DLGAP2: variants seen among roughly 807,000 people sequenced by gnomAD.
DLGAP2 encodes disks large-associated protein 2.
DLGAP2 carries 26 observed loss-of-function variants against 100.3 expected under a neutral mutation model. The ratio of observed to expected loss-of-function variants is 0.26; its 90% confidence interval spans 0.19 to 0.36. DLGAP2 has a LOEUF of 0.36. Ranked by LOEUF, DLGAP2 falls within the 10% of genes least tolerant of loss-of-function variation. The pLI, the probability that DLGAP2 is intolerant of heterozygous loss-of-function variation, is 1.00. For synonymous variants in DLGAP2, 886 were observed against 630.1 expected (o/e 1.41, Z -6.08); for missense variants, 1,858 against 1,453.2 (o/e 1.28, Z -4.53).
intron 2 of DLGAP2, among the ~76,000 whole-genome samples, chr8:1,054,140 T>G (rs1028831368): frequency 1.1e-4 from 17 of 152,182 alleles, no homozygotes; most frequent in African/African-American, 3.9e-4. Flanking sequence ...TTCCTATAGA[T>G]TTTTCCTCTC....
intron 1 of DLGAP2, among the ~76,000 whole-genome samples, chr8:898,514 C>G (rs1798190199): frequency 6.6e-6 from 1 of 152,194 alleles, no homozygotes; most frequent in Non-Finnish European, 1.5e-5. Flanking sequence ...TCATCCATTT[C>G]TCTAGTCACG....
intron 14 of DLGAP2, among the ~76,000 whole-genome samples, chr8:1,699,835 T>C (rs535613915): frequency 8.5e-4 from 129 of 152,276 alleles, no homozygotes; most frequent in African/African-American, 2.7e-3. Context: ...GCTCCTTTGA[T>C]TGGGGAACCC....
chr8:1,620,795 C>G (rs1385454178), intron 6 of DLGAP2, among the ~76,000 whole-genome samples: 1 of 152,186 alleles, frequency 6.6e-6, no homozygotes. Flanking sequence ...CAGGGACCGT[C>G]CTGAGCTCCC....
At chr8:830,186 G>C (rs1229867934) in intron 1 of DLGAP2, among the ~76,000 whole-genome samples, 1 of 152,062 alleles carries the variant, frequency 6.6e-6, no homozygotes, top group African/African-American at 2.4e-5. Flanking sequence ...GTACATAGTA[G>C]ATGTATATAT....
At chr8:795,827 T>A in intron 1 of DLGAP2, among the ~76,000 whole-genome samples, 2 of 134,516 alleles carry the variant, frequency 1.5e-5, no homozygotes, top group Admixed American at 7.6e-5. Context: ...AGGCGTCCGG[T>A]GAGAGCAGCT....
chr8:977,349 C>CT (rs951464127), intron 2 of DLGAP2, among the ~76,000 whole-genome samples: 2 of 152,216 alleles, frequency 1.3e-5, no homozygotes, highest in African/African-American at 4.8e-5. Context: ...GGACACATGC[C>CT]TTTGGTCAGG....
At chr8:1,052,403 G>A (rs1348036465) in intron 2 of DLGAP2, among the ~76,000 whole-genome samples, 1 of 152,176 alleles carries the variant, frequency 6.6e-6, no homozygotes, top group Non-Finnish European at 1.5e-5. Flanking sequence ...AATTTTTGCA[G>A]GTAGTTTTAA....
At chr8:1,390,961 G>A (rs1796337531) in intron 3 of DLGAP2, among the ~76,000 whole-genome samples, 1 of 152,214 alleles carries the variant, frequency 6.6e-6, no homozygotes. Context: ...ACTGAAATCA[G>A]AAAGACCCAG....
intron 3 of DLGAP2, among the ~76,000 whole-genome samples, chr8:1,489,913 A>C (rs959113528): frequency 2.6e-5 from 4 of 151,850 alleles, no homozygotes; most frequent in African/African-American, 9.7e-5. Flanking sequence ...TTTTTTTAAG[A>C]TGGAGTCTCA....
chr8:1,163,854 C>T (rs1796940364), intron 2 of DLGAP2, among the ~76,000 whole-genome samples: 1 of 152,306 alleles, frequency 6.6e-6, no homozygotes, highest in Middle Eastern at 3.4e-3. Context: ...CTCTGCTCAG[C>T]ACTGCGGCTG....
At chr8:874,592 A>G (rs529929010) in intron 1 of DLGAP2, among the ~76,000 whole-genome samples, 1 of 152,170 alleles carries the variant, frequency 6.6e-6, no homozygotes, top group South Asian at 2.1e-4. Context: ...TATCATTTTA[A>G]ATTTATTTTT....
chr8:1,334,898 C>T (rs762008638), intron 3 of DLGAP2, among the ~76,000 whole-genome samples: 3 of 152,212 alleles, frequency 2.0e-5, no homozygotes, highest in Non-Finnish European at 4.4e-5. Context: ...TCTTCTCCTC[C>T]CCGCCTTGGC....
intron 1 of DLGAP2, among the ~76,000 whole-genome samples, chr8:902,637 T>A (rs1387217862): frequency 9.8e-4 from 9 of 9,230 alleles, no homozygotes; most frequent in Middle Eastern, 0.033. Flanking sequence ...GGGTGGAAAG[T>A]GTTCGGGTGG....
At chr8:1,247,035 C>CGTCGGTGGCCGGGAAGACCTTTGAG (rs1798921732) in intron 2 of DLGAP2, 3 of 185,322 alleles carry the variant, frequency 1.6e-5, no homozygotes, top group African/African-American at 2.6e-5. Context: ...TGATGGTCCA[C>CGTCGGTGGCCGGGAAGACCTTTGAG]ATCGGTGGCC....
intron 14 of DLGAP2, among the ~76,000 whole-genome samples, chr8:1,698,544 G>A (rs1476120662): frequency 6.8e-5 from 8 of 117,492 alleles, no homozygotes; most frequent in Admixed American, 5.4e-4. Flanking sequence ...CCATGCATGG[G>A]ACTAGACAGG....
chr8:914,388 T>C (rs1798548521), intron 2 of DLGAP2, among the ~76,000 whole-genome samples: 1 of 152,242 alleles, frequency 6.6e-6, no homozygotes, highest in Non-Finnish European at 1.5e-5. Context: ...AAGGACTTCA[T>C]TTCATAATCT....
At chr8:965,199 C>G (rs1330099976) in intron 2 of DLGAP2, among the ~76,000 whole-genome samples, 6 of 143,840 alleles carry the variant, frequency 4.2e-5, no homozygotes, top group African/African-American at 1.6e-4. Flanking sequence ...GTTCACCACA[C>G]AGGGCTCCTG....
intron 12 of DLGAP2, among the ~76,000 whole-genome samples, chr8:1,685,609 C>T (rs1044374752): frequency 3.9e-5 from 6 of 152,034 alleles, no homozygotes; most frequent in African/African-American, 1.4e-4. Flanking sequence ...GACATGGATG[C>T]TTGTCAGCAC....
intron 2 of DLGAP2, among the ~76,000 whole-genome samples, chr8:989,993 C>A (rs1410092324): frequency 6.6e-6 from 1 of 152,066 alleles, no homozygotes; most frequent in Non-Finnish European, 1.5e-5. Flanking sequence ...CTCAGAAAGC[C>A]TCTCTTGCCG....
Sources: allele counts gnomAD v4.1 joint callset (sites outside exome capture counted in the v4.1 genomes callset), GRCh38; gene constraint gnomAD v4.1.1; transcripts MANE v1.5; gene names NCBI Gene and HGNC (gene_info 2026-07-23, HGNC 2026-07-21).